The following CCDC7 variants were observed in gnomAD, a reference collection of about 807,000 sequenced individuals.
CCDC7 encodes coiled-coil domain-containing protein 7.
A neutral mutation model predicts 196.9 loss-of-function variants in CCDC7; 183 were observed. That is an observed-to-expected ratio of 0.93 (90% CI 0.82 to 1.05). The LOEUF is 1.05. Among genes scored for constraint, CCDC7 ranks in the 50% least tolerant of loss-of-function variants. The pLI, the probability that CCDC7 is intolerant of heterozygous loss-of-function variation, is 0.00. For synonymous variants in CCDC7, 525 were observed against 484.6 expected (o/e 1.08, Z -1.10); for missense variants, 1,540 against 1,482.2 (o/e 1.04, Z -0.64).
chr10:32,472,535 A>T, exon 7 of CCDC7: 1 of 1,580,084 alleles, frequency 6.3e-7, no homozygotes, highest in Non-Finnish European at 8.6e-7. Context: ...TGGCACAGAA[A>T]ATTGAAGGTG....
At chr10:32,743,008 T>G (rs549615945) in intron 28 of CCDC7, among the ~76,000 whole-genome samples, 8 of 152,336 alleles carry the variant, frequency 5.3e-5, no homozygotes, top group Admixed American at 2.0e-4. Flanking sequence ...CTTTTAGCCC[T>G]GAGTAGTGCT....
chr10:32,805,202 G>A, intron 30 of CCDC7, 104 bp downstream of exon 31: 1 of 777,878 alleles, frequency 1.3e-6, no homozygotes, highest in Non-Finnish European at 2.2e-6. Context: ...ATTATGACAT[G>A]GGCACAGGTT....
At chr10:32,623,133 T>C (rs774770558) in intron 18 of CCDC7, among the ~76,000 whole-genome samples, 3 of 152,176 alleles carry the variant, frequency 2.0e-5, no homozygotes, top group Non-Finnish European at 2.9e-5. Context: ...AGATTGCAAG[T>C]GTCTTTCCTA....
intron 13 of CCDC7, among the ~76,000 whole-genome samples, chr10:32,555,931 T>G (rs1157607688): frequency 6.6e-6 from 1 of 152,186 alleles, no homozygotes; most frequent in East Asian, 1.9e-4. Context: ...GTCTCTTATC[T>G]TCCAGGATGA....
At chr10:32,819,619 T>C (rs2089713565) in intron 31 of CCDC7, among the ~76,000 whole-genome samples, 2 of 152,176 alleles carry the variant, frequency 1.3e-5, no homozygotes, top group Admixed American at 1.3e-4. Context: ...TTATCCACCA[T>C]GATCAAATGG....
chr10:32,492,021 T>A (rs778892750), intron 9 of CCDC7, 24 bp downstream of exon 10: 6 of 1,504,936 alleles, frequency 4.0e-6, no homozygotes, highest in Admixed American at 4.9e-5. Context: ...TTTTTGCATT[T>A]TATTATTTTT....
chr10:32,648,597 C>G (rs895039770), intron 20 of CCDC7, among the ~76,000 whole-genome samples: 23 of 152,170 alleles, frequency 1.5e-4, no homozygotes, highest in African/African-American at 5.5e-4. Context: ...ACACTGTCTT[C>G]CACAGTGGCT....
intron 9 of CCDC7, chr10:32,511,617 C>G: frequency 6.3e-7 from 1 of 1,589,226 alleles, no homozygotes; most frequent in East Asian, 2.2e-5. Flanking sequence ...TGCAACAACT[C>G]ATTTCTAGAA....
chr10:32,670,638 G>A (rs567097806), intron 21 of CCDC7, among the ~76,000 whole-genome samples: 21 of 148,250 alleles, frequency 1.4e-4, no homozygotes, highest in African/African-American at 5.0e-4. Context: ...GAGAATATGC[G>A]GTGTCTGGTT....
At chr10:32,790,539 C>T (rs1023143787) in intron 29 of CCDC7, among the ~76,000 whole-genome samples, 11 of 152,170 alleles carry the variant, frequency 7.2e-5, no homozygotes, top group Non-Finnish European at 1.6e-4. Context: ...TATTGTGTTC[C>T]GCCCTTCCAG....
intron 32 of CCDC7, among the ~76,000 whole-genome samples, chr10:32,828,118 C>T (rs2091422453): frequency 6.6e-6 from 1 of 152,152 alleles, no homozygotes; most frequent in African/African-American, 2.4e-5. Flanking sequence ...TTAACTCTTT[C>T]AACCAATTGC....
At position 32,489,268 on chromosome 10, in the gene CCDC7, T is replaced by C. The variant is rs117118367; in HGVS notation, c.797-2654T>C. ...GCAAGTCTACTGCTGCTCTGAGGAC[T>C]GTGATATGGATATCCCTGCTGCATT... On this transcript the variant is annotated intron_variant, in intron 8 of 41. Transcript: ENST00000639629. Among the ~76,000 whole-genome samples the C allele has an allele frequency of 4.8e-3, 728 of 152,304 alleles. 10 individuals are homozygous for C. Among genetic ancestry groups the C allele is most frequent in the Non-Finnish European group, 3.5e-3 (236 of 68,036 alleles).
intron 28 of CCDC7, among the ~76,000 whole-genome samples, chr10:32,760,568 G>T (rs914437805): frequency 3.9e-5 from 6 of 152,020 alleles, no homozygotes; most frequent in African/African-American, 7.2e-5. Context: ...ACACAGGAAG[G>T]GGAACATCAC....
chr10:32,717,350 T>C (rs146399412), intron 25 of CCDC7, among the ~76,000 whole-genome samples: 5,289 of 152,070 alleles, frequency 0.035, 321 homozygotes, highest in African/African-American at 0.12. Flanking sequence ...AAAGACACAA[T>C]GTACAAGAAT....
intron 18 of CCDC7, among the ~76,000 whole-genome samples, chr10:32,617,546 G>A (rs760263525): frequency 2.6e-4 from 40 of 151,762 alleles, no homozygotes; most frequent in Non-Finnish European, 4.3e-4. Flanking sequence ...CATTGACCCA[G>A]TGATCATTCA....
At chr10:32,707,507 A>T (rs12246584) in intron 24 of CCDC7, among the ~76,000 whole-genome samples, 3 of 152,212 alleles carry the variant, frequency 2.0e-5, no homozygotes, top group African/African-American at 7.2e-5. Context: ...AAGGTATTCA[A>T]TTAGGAAAAG....
chr10:32,612,396 C>T (rs1301984391), intron 18 of CCDC7, among the ~76,000 whole-genome samples: 4 of 151,948 alleles, frequency 2.6e-5, no homozygotes, highest in Non-Finnish European at 5.9e-5. Context: ...TCATCCTATT[C>T]GAATACCCTT....
chr10:32,738,320 C>T (rs1468459542), intron 28 of CCDC7, among the ~76,000 whole-genome samples: 2 of 151,988 alleles, frequency 1.3e-5, no homozygotes, highest in East Asian at 1.9e-4. Flanking sequence ...AGAGAATTCC[C>T]ATTTCCTGCC....
At chr10:32,500,678 T>C (rs2043853568) in intron 9 of CCDC7, among the ~76,000 whole-genome samples, 1 of 152,090 alleles carries the variant, frequency 6.6e-6, no homozygotes, top group South Asian at 2.1e-4. Flanking sequence ...CTCGGCACTT[T>C]GGGAGGCCAA....
Sources: gnomAD v4.1 joint callset for allele counts (sites outside exome capture counted in the v4.1 genomes callset) on GRCh38, gnomAD v4.1.1 for gene constraint, MANE v1.5 for transcripts, NCBI Gene and HGNC (gene_info 2026-07-23, HGNC 2026-07-21) for gene names.